GRIA4: variants seen among roughly 807,000 people sequenced by gnomAD.
GRIA4 encodes glutamate receptor 4.
GRIA4 carries 34 observed loss-of-function variants against 104.0 expected under a neutral mutation model. That is an observed-to-expected ratio of 0.33 (90% CI 0.25 to 0.44). GRIA4 has a LOEUF of 0.44. Among genes scored for constraint, GRIA4 ranks in the 20% least tolerant of loss-of-function variants. GRIA4 has a pLI of 1.00. For missense variants in GRIA4, 750 were observed against 1,096.5 expected (o/e 0.68, Z 4.46); for synonymous variants, 386 against 381.9 (o/e 1.01, Z -0.13).
intron 3 of GRIA4, among the ~76,000 whole-genome samples, chr11:105,658,141 A>G (rs1951899152): frequency 6.6e-6 from 1 of 151,772 alleles, no homozygotes; most frequent in South Asian, 2.1e-4. Flanking sequence ...ACCTTAAAAG[A>G]TGTTTCAGTG....
intron 10 of GRIA4, among the ~76,000 whole-genome samples, chr11:105,911,359 T>C (rs1376837254): frequency 6.6e-6 from 1 of 152,032 alleles, no homozygotes; most frequent in Non-Finnish European, 1.5e-5. Flanking sequence ...AAGTCAATGC[T>C]AGTCAAAAGA....
intron 3 of GRIA4, among the ~76,000 whole-genome samples, chr11:105,720,168 T>G (rs1235825854): frequency 6.6e-6 from 1 of 151,970 alleles, no homozygotes; most frequent in Non-Finnish European, 1.5e-5. Flanking sequence ...AAGCTACCAT[T>G]TTTAAATTGT....
At chr11:105,707,092 C>A (rs1257186457) in intron 3 of GRIA4, 1 of 152,466 alleles carries the variant, frequency 6.6e-6, no homozygotes, top group Admixed American at 6.5e-5. Flanking sequence ...GCTCTAAGTA[C>A]ATTCATTTTG....
rs1431743505 is a variant in GRIA4, at chr11:105,933,801, C to T, written c.2126C>T (p.Ala709Val). 9.3e-6 allele frequency: 15 copies of T among 1,612,924 alleles called. No homozygotes were observed. Among genetic ancestry groups the T allele is most frequent in the Non-Finnish European group, 1.2e-5 (14 of 1,179,242 alleles). ...CCATCAGTATTCACTAGGACTACAG[C>T]TGAGGGAGTAGCTCGTGTCCGCAAA... The part of the protein sequence containing the change: ...AEPSVFTRTT[A>V]EGVARVRKSK... The change falls in exon 14 of 17, where the codon GCT becomes GTT. Residue 709 changes from alanine (A) to valine (V), a missense_variant. By Grantham distance (64) the Ala-to-Val change is moderately conservative. Around this residue, in one of 3 missense-constraint regions of GRIA4, gnomAD observed 272 missense variants for 524.5 expected, o/e 0.52. Transcript: ENST00000282499.
intron 3 of GRIA4, among the ~76,000 whole-genome samples, chr11:105,654,204 G>A (rs1951774971): frequency 6.6e-6 from 1 of 151,676 alleles, no homozygotes; most frequent in South Asian, 2.1e-4. Flanking sequence ...GTGGGGCAGT[G>A]GTGGTGGGGC....
At chr11:105,671,834 GCTGT>G (rs1952384610) in intron 3 of GRIA4, among the ~76,000 whole-genome samples, 1 of 151,798 alleles carries the variant, frequency 6.6e-6, no homozygotes, top group African/African-American at 2.4e-5. Context: ...TGATATTTAG[GCTGT>G]CTGTTAAAAA....
intron 3 of GRIA4, among the ~76,000 whole-genome samples, chr11:105,682,530 A>G (rs555899795): frequency 6.6e-6 from 1 of 152,324 alleles, no homozygotes; most frequent in African/African-American, 2.4e-5. Context: ...CTTATGGTTT[A>G]ACAACCTACC....
At chr11:105,815,871 T>A (rs1943356114) in intron 4 of GRIA4, among the ~76,000 whole-genome samples, 1 of 152,198 alleles carries the variant, frequency 6.6e-6, no homozygotes, top group Non-Finnish European at 1.5e-5. Flanking sequence ...TATGATTTAG[T>A]TTAATACTGT....
intron 4 of GRIA4, among the ~76,000 whole-genome samples, chr11:105,817,329 T>C (rs1420455474): frequency 6.7e-6 from 1 of 148,810 alleles, no homozygotes; most frequent in Non-Finnish European, 1.5e-5. Context: ...TTTTTGAGTA[T>C]CTAGTATGGA....
At chr11:105,738,051 C>T (rs1251820327) in intron 3 of GRIA4, among the ~76,000 whole-genome samples, 1 of 151,020 alleles carries the variant, frequency 6.6e-6, no homozygotes. Context: ...AGCTAACTGC[C>T]TGGATGCCTC....
chr11:105,749,061 G>A lies in GRIA4; in HGVS notation c.248-3920G>A, dbSNP rs573360363. 1.3e-4 allele frequency among the ~76,000 whole-genome samples: 20 copies of A among 152,318 alleles called. No individual in the cohort carries two copies. In the East Asian group the frequency reaches 3.7e-3, roughly 28 times the overall value. Reference sequence around the variant, plus strand: ...CACTAACTTTAAAGGAGCAGAGTAAGAAGTGTTCAAGGACACTAAGAAACG... The same window carrying A: ...CACTAACTTTAAAGGAGCAGAGTAAAAAGTGTTCAAGGACACTAAGAAACG... On this transcript the variant is annotated intron_variant, in intron 3 of 16. Transcript: ENST00000282499.
intron 4 of GRIA4, among the ~76,000 whole-genome samples, chr11:105,790,975 A>G (rs941738181): frequency 6.6e-6 from 1 of 152,158 alleles, no homozygotes; most frequent in East Asian, 1.9e-4. Flanking sequence ...ATTTATCATC[A>G]TGCAGAGCCT....
intron 14 of GRIA4, among the ~76,000 whole-genome samples, chr11:105,936,421 T>C (rs1948037469): frequency 6.6e-6 from 1 of 152,154 alleles, no homozygotes; most frequent in Non-Finnish European, 1.5e-5. Context: ...ATCAGGTCTT[T>C]AGGTTAATAG....
intron 9 of GRIA4, among the ~76,000 whole-genome samples, chr11:105,909,315 C>T (rs774004878): frequency 6.6e-6 from 1 of 152,120 alleles, no homozygotes; most frequent in Non-Finnish European, 1.5e-5. Context: ...ATAGTGAATA[C>T]AGACCAGTGA....
At chr11:105,651,557 T>C (rs1171694657) in intron 3 of GRIA4, among the ~76,000 whole-genome samples, 2 of 152,296 alleles carry the variant, frequency 1.3e-5, no homozygotes, top group South Asian at 2.1e-4. Flanking sequence ...GGCTGGGTTA[T>C]GCCTGAACTG....
At chr11:105,870,069 T>C (rs1014290494) in intron 5 of GRIA4, among the ~76,000 whole-genome samples, 2 of 151,990 alleles carry the variant, frequency 1.3e-5, no homozygotes, top group South Asian at 2.1e-4. Context: ...AAGAGTTCTA[T>C]TATTCATCCA....
intron 3 of GRIA4, among the ~76,000 whole-genome samples, chr11:105,664,137 T>C (rs1024788703): frequency 4.7e-5 from 7 of 148,300 alleles, no homozygotes; most frequent in African/African-American, 1.7e-4. Flanking sequence ...CCGTGAAGAA[T>C]ATAACACAGC....
intron 3 of GRIA4, among the ~76,000 whole-genome samples, chr11:105,711,047 C>T (rs949757800): frequency 6.6e-6 from 1 of 151,702 alleles, no homozygotes; most frequent in Admixed American, 6.6e-5. Context: ...GGTAGTGAAT[C>T]ATTGCTAAAG....
At chr11:105,671,872 C>T (rs924776331) in intron 3 of GRIA4, among the ~76,000 whole-genome samples, 31 of 151,926 alleles carry the variant, frequency 2.0e-4, no homozygotes, top group Admixed American at 1.3e-4. Context: ...ACTCCACTCA[C>T]CCCATGTGCT....
Sources: allele counts gnomAD v4.1 joint callset (sites outside exome capture counted in the v4.1 genomes callset), GRCh38; gene constraint gnomAD v4.1.1; regional missense constraint gnomAD v4.1.1; transcripts MANE v1.5; gene names NCBI Gene and HGNC (gene_info 2026-07-23, HGNC 2026-07-21).